AGO3: variants seen among roughly 807,000 people sequenced by gnomAD.
AGO3 encodes the protein protein argonaute-3.
In AGO3, 16 loss-of-function variants were observed where a neutral mutation model predicts 105.5. That is an observed-to-expected ratio of 0.15 (90% confidence interval 0.10 to 0.23). AGO3 has a LOEUF of 0.23. AGO3 is among the 10% of genes least tolerant of loss of function. AGO3 has a pLI of 1.00. For missense variants in AGO3, 534 were observed against 1,088.0 expected, an observed-to-expected ratio of 0.49 and a Z score of 7.16; for synonymous variants, 340 against 367.3, an observed-to-expected ratio of 0.93 and a Z score of 0.85.
chr1:36,011,505 C>G (rs1463274551), intron 9 of AGO3, among the ~76,000 whole-genome samples: 1 of 152,030 alleles, frequency 6.6e-6, no homozygotes, highest in Admixed American at 6.6e-5. Context: ...AGACTAAGAC[C>G]TCTTACTTTG....
At chr1:35,944,544 CTTTTTT>C (rs761797350) in intron 1 of AGO3, among the ~76,000 whole-genome samples, 22 of 105,478 alleles carry the variant, frequency 2.1e-4, no homozygotes, top group South Asian at 5.8e-4. Context: ...ATTTTATTTA[CTTTTTT>C]TTTTTTTTTT....
intron 16 of AGO3, among the ~76,000 whole-genome samples, chr1:36,041,127 G>A (rs1045936971): frequency 7.0e-6 from 1 of 142,768 alleles, no homozygotes; most frequent in Non-Finnish European, 1.5e-5. Context: ...TTTTAGCCAT[G>A]TTTCCTTTAA....
intron 3 of AGO3, among the ~76,000 whole-genome samples, chr1:35,969,662 G>A (rs1229705142): frequency 6.6e-6 from 1 of 152,084 alleles, no homozygotes; most frequent in Non-Finnish European, 1.5e-5. Context: ...CTAAAACAAT[G>A]GGGATATGCT....
intron 8 of AGO3, chr1:36,009,259 A>G (rs1241010214): frequency 2.5e-6 from 2 of 813,450 alleles, no homozygotes; most frequent in East Asian, 3.1e-5. Context: ...ATTTTGGTAT[A>G]CTATACTTCT....
In AGO3 at chr1:35,931,543, C is replaced by T; in HGVS notation, c.19+98C>T. 4 of 1,248,078 alleles carry T rather than the reference C, an allele frequency of 3.2e-6. No individual in the cohort carries two copies. The Middle Eastern group carries it at 6.7e-4, about 208-fold the overall frequency. 77.3% of individuals were successfully genotyped at this position (1,248,078 alleles called of 1,614,324 possible). On this transcript the variant is annotated intron_variant, in intron 1 of 18. Coordinates refer to ENST00000373191, the MANE Select transcript of AGO3 (RefSeq NM_024852.4). Reference sequence around the variant, plus strand: ...GCCCGGCCCAGGTGCGCGAGGTGAGCGTCGGGCGGGCATCGCTCGGTCTCC... The same window carrying T: ...GCCCGGCCCAGGTGCGCGAGGTGAGTGTCGGGCGGGCATCGCTCGGTCTCC...
intron 17 of AGO3, among the ~76,000 whole-genome samples, chr1:36,052,156 A>G (rs749437978): frequency 1.5e-4 from 23 of 152,346 alleles, no homozygotes; most frequent in Non-Finnish European, 3.4e-4. Context: ...AAGATATGGA[A>G]TCAACCTAAG....
rs1424363019 is a variant in AGO3, at chr1:36,070,237, G to T, written c.*14492G>T. 10 of 152,166 alleles carry T rather than the reference G, an allele frequency of 6.6e-5. No homozygotes were observed. Among genetic ancestry groups the T allele is most frequent in the Admixed American group, 1.3e-4 (2 of 15,278 alleles). 9.4% of individuals were successfully genotyped at this position (152,166 alleles called of 1,614,324 possible). ...AAGAAGAGGGTTAGATTTTAAGAAA[G>T]AAAGTGTGCTTATTTCACTCATGTC... On this transcript the variant is annotated 3_prime_UTR_variant, in exon 19 of 19. Transcript: ENST00000373191.
At position 36,010,459 on chromosome 1, in the gene AGO3, TG is replaced by T. The variant is rs1404172513; in HGVS notation, c.1149+869del. Among the ~76,000 whole-genome samples, 3 of 151,350 alleles carry T rather than the reference TG, an allele frequency of 2.0e-5. 1 individual carries two copies. Among genetic ancestry groups the T allele is most frequent in the Non-Finnish European group, 4.4e-5 (3 of 67,866 alleles). On this transcript the variant is annotated intron_variant, in intron 9 of 18. Coordinates refer to ENST00000373191, the MANE Select transcript of AGO3 (RefSeq NM_024852.4). ...TCTCTACTAAAAACGCAAAAATCAG[TG>T]GGGCATGGTGGCATGTGTCTGTAAT...
intron 9 of AGO3, among the ~76,000 whole-genome samples, chr1:36,010,031 C>G (rs911297212): frequency 1.3e-5 from 2 of 148,230 alleles, no homozygotes; most frequent in Admixed American, 1.4e-4. Context: ...CTCTGCCTCC[C>G]AGGTTCACAC....
At chr1:35,937,065 G>GCT (rs1646162509) in intron 1 of AGO3, among the ~76,000 whole-genome samples, 1 of 152,032 alleles carries the variant, frequency 6.6e-6, no homozygotes, top group Admixed American at 6.6e-5. Context: ...TGCAAAATGG[G>GCT]CTCTTACTAA....
intron 2 of AGO3, among the ~76,000 whole-genome samples, chr1:35,962,163 C>G (rs1221637949): frequency 1.3e-5 from 2 of 152,000 alleles, no homozygotes; most frequent in African/African-American, 4.8e-5. Context: ...TGATAGTTTT[C>G]TAAGGTGGAA....
At chr1:35,994,417 A>C (rs1648067213) in intron 5 of AGO3, among the ~76,000 whole-genome samples, 1 of 152,220 alleles carries the variant, frequency 6.6e-6, no homozygotes, top group Admixed American at 6.5e-5. Flanking sequence ...TTAGAAAAGC[A>C]TACAGGCATC....
intron 2 of AGO3, among the ~76,000 whole-genome samples, chr1:35,964,488 G>A (rs968892153): frequency 1.3e-5 from 2 of 152,088 alleles, no homozygotes; most frequent in Non-Finnish European, 2.9e-5. Context: ...AGTATTCCAT[G>A]GTGTATATGT....
chr1:36,042,086 T>G (rs1189977691), intron 16 of AGO3, among the ~76,000 whole-genome samples: 1 of 152,112 alleles, frequency 6.6e-6, no homozygotes, highest in East Asian at 1.9e-4. Flanking sequence ...ATAGTTGTAT[T>G]TTTTTGTTTT....
chr1:36,062,178 T>C lies in AGO3; in HGVS notation c.*6433T>C, dbSNP rs1182451268. 6.6e-6 allele frequency: 1 copy of C among 151,156 alleles called. No homozygotes were observed. Among genetic ancestry groups the C allele is most frequent in the African/African-American group, 2.4e-5 (1 of 41,102 alleles). The allele number at this position is 151,156 out of a possible 1,614,324, so 9.4% of individuals were successfully genotyped here. A position where few individuals can be genotyped will look rare whatever the true frequency, so the allele number is the denominator to read the frequency against. On this transcript the variant is annotated 3_prime_UTR_variant, in exon 19 of 19. Transcript: ENST00000373191. ...ATTAATCTTTTTTTTTTTTTTTTTT[T>C]TTGAGACAAAGTCTTGCTCTGTCAC... is the stretch of plus-strand genomic sequence containing the variant.
intron 5 of AGO3, among the ~76,000 whole-genome samples, chr1:35,993,103 A>G (rs1017412627): frequency 6.6e-6 from 1 of 152,130 alleles, no homozygotes; most frequent in Non-Finnish European, 1.5e-5. Context: ...ATAATACCCT[A>G]TTGGTTACTC....
At chr1:35,963,247 T>C (rs1311190090) in intron 2 of AGO3, among the ~76,000 whole-genome samples, 1 of 152,210 alleles carries the variant, frequency 6.6e-6, no homozygotes, top group Non-Finnish European at 1.5e-5. Context: ...GAATCTGCAA[T>C]GCTGGGGGAG....
Position 36,071,537 on chromosome 1 carries a change from C to T in AGO3, c.*15792C>T, listed in dbSNP as rs1419077912. 2 of 152,280 alleles carry T rather than the reference C, an allele frequency of 1.3e-5. No individual in the cohort carries two copies. The highest frequency in any genetic ancestry group is 3.4e-3 in the Middle Eastern group (1 of 294). The allele number at this position is 152,280 out of a possible 1,614,324, so 9.4% of individuals were successfully genotyped here. On this transcript the variant is annotated 3_prime_UTR_variant, in exon 19 of 19. Coordinates refer to ENST00000373191, the MANE Select transcript of AGO3 (RefSeq NM_024852.4). Reference sequence around the variant, plus strand: ...TTCTTGCCAAATATTTCTACTGAAACCCAGTTTCAGCAAGGCAAAATGATG... The same window carrying T: ...TTCTTGCCAAATATTTCTACTGAAATCCAGTTTCAGCAAGGCAAAATGATG...
At chr1:36,051,700 A>G (rs1418143828) in intron 17 of AGO3, among the ~76,000 whole-genome samples, 1 of 152,204 alleles carries the variant, frequency 6.6e-6, no homozygotes, top group East Asian at 1.9e-4. Context: ...GTCTCAAAAA[A>G]ACAAGGTATT....
Sources: gnomAD v4.1 joint callset for allele counts (sites outside exome capture counted in the v4.1 genomes callset) on GRCh38, gnomAD v4.1.1 for gene constraint, MANE v1.5 for transcripts, NCBI Gene and HGNC (gene_info 2026-07-23, HGNC 2026-07-21) for gene names.